SNRPN: variants seen among roughly 807,000 people sequenced by gnomAD.
SNRPN encodes small nuclear ribonucleoprotein polypeptide N.
A neutral mutation model predicts 25.2 loss-of-function variants in SNRPN; 7 were observed. The observed-to-expected ratio is 0.28, with a 90% confidence interval of 0.16 to 0.52. The LOEUF is 0.52. Among genes scored for constraint, SNRPN ranks in the 20% least tolerant of loss-of-function variants. The probability of loss-of-function intolerance (pLI) is 0.96; values close to 1 mark genes in which losing one functional copy is unlikely to be tolerated. For synonymous variants in SNRPN, 124 were observed against 110.6 expected, an observed-to-expected ratio of 1.12 and a Z score of -0.76; for missense variants, 196 against 322.5, an observed-to-expected ratio of 0.61 and a Z score of 3.00.
At chr15:24,826,639 A>G (rs943304237) in intron 1 of SNRPN, among the ~76,000 whole-genome samples, 5 of 152,132 alleles carry the variant, frequency 3.3e-5, no homozygotes, top group African/African-American at 1.2e-4. Context: ...ACTCATAAAG[A>G]AAAACCTATG....
chr15:24,955,538 G>T (rs1263214218), intron 1 of SNRPN, among the ~76,000 whole-genome samples: 1 of 150,676 alleles, frequency 6.6e-6, no homozygotes, highest in Non-Finnish European at 1.5e-5. Context: ...TATTTAGGGG[G>T]TGTTGAGCGC....
chr15:24,896,265 G>T (rs1179856189), intron 2 of SNRPN, among the ~76,000 whole-genome samples: 1 of 152,140 alleles, frequency 6.6e-6, no homozygotes, highest in Non-Finnish European at 1.5e-5. Flanking sequence ...CCCACAATTA[G>T]TCACTCTCAT....
At chr15:24,833,234 A>C (rs1386113677) in intron 2 of SNRPN, among the ~76,000 whole-genome samples, 2 of 151,620 alleles carry the variant, frequency 1.3e-5, no homozygotes, top group Non-Finnish European at 2.9e-5. Context: ...GCTTTTTGGA[A>C]GCTTATGTCC....
At chr15:24,969,099 G>C (rs1035966437) in intron 3 of SNRPN, among the ~76,000 whole-genome samples, 2 of 151,880 alleles carry the variant, frequency 1.3e-5, no homozygotes, top group African/African-American at 4.8e-5. Flanking sequence ...AATCAGTTAG[G>C]CTTGTTTATG....
intron 2 of SNRPN, among the ~76,000 whole-genome samples, chr15:24,837,126 A>G (rs957512749): frequency 3.3e-5 from 5 of 152,004 alleles, no homozygotes; most frequent in East Asian, 1.9e-4. Flanking sequence ...CACAACAAGC[A>G]TGAATAGAGA....
Position 24,859,199 on chromosome 15 carries a change from C to A in SNRPN, c.-579+2483C>A, listed in dbSNP as rs1341972918. Reference sequence around the variant, plus strand: ...TCTGGTGTGCTTTCATGGCGACTGGCCAAGGAGAAGCACCCCTCTGCGCAG... The same window carrying A: ...TCTGGTGTGCTTTCATGGCGACTGGACAAGGAGAAGCACCCCTCTGCGCAG... On this transcript the variant is annotated intron_variant, in intron 1 of 11. Transcript: ENST00000400097. Among the ~76,000 whole-genome samples, 3 of 152,272 alleles carry A rather than the reference C, an allele frequency of 2.0e-5. No individual in the cohort carries two copies. The East Asian group carries it at 5.8e-4, about 29-fold the overall frequency.
chr15:24,850,107 T>G (rs1262499537), intron 2 of SNRPN: 1 of 152,216 alleles, frequency 6.6e-6, no homozygotes, highest in African/African-American at 2.4e-5. Flanking sequence ...TCCACCTTTC[T>G]TGCTGACACC....
chr15:24,835,720 A>T (rs1455402930), intron 2 of SNRPN, among the ~76,000 whole-genome samples: 1 of 152,174 alleles, frequency 6.6e-6, no homozygotes, highest in Non-Finnish European at 1.5e-5. Context: ...ACAACTTTTT[A>T]AACGTACCAT....
At chr15:24,952,734 T>C (rs1326530668), upstream of SNRPN, among the ~76,000 whole-genome samples, 1 of 152,184 alleles carries the variant, frequency 6.6e-6, no homozygotes, top group Non-Finnish European at 1.5e-5. Flanking sequence ...TATAATTTTA[T>C]TTAATTTTAA....
intron 1 of SNRPN, among the ~76,000 whole-genome samples, 173 bp downstream of exon 1, chr15:24,955,235 G>A (rs1566948883): frequency 6.6e-6 from 1 of 152,128 alleles, no homozygotes; most frequent in Non-Finnish European, 1.5e-5. Flanking sequence ...CTGTTGTGCC[G>A]TTCTGCCCCG....
chr15:24,849,802 A>C (rs1183071365), intron 2 of SNRPN: 1 of 152,194 alleles, frequency 6.6e-6, no homozygotes, highest in Non-Finnish European at 1.5e-5. Context: ...GATTGATCTA[A>C]ATGCAAATAG....
At chr15:24,925,805 G>A (rs749669518) in intron 3 of SNRPN, among the ~76,000 whole-genome samples, 7 of 151,502 alleles carry the variant, frequency 4.6e-5, no homozygotes, top group African/African-American at 1.7e-4. Flanking sequence ...GCAGTGGCGC[G>A]ATCTCGGCTC....
In SNRPN at chr15:24,929,958, C is replaced by T. The variant is rs1415894837; in HGVS notation, c.-391+9834C>T. 2.0e-5 allele frequency among the ~76,000 whole-genome samples: 3 copies of T among 151,486 alleles called. No homozygotes were observed. The highest frequency in any genetic ancestry group is 6.6e-5 in the Admixed American group (1 of 15,194). On this transcript the variant is annotated intron_variant, in intron 3 of 11. Transcript: ENST00000400097. The surrounding 1 kb of genome is among the most constrained non-coding windows in gnomAD (Gnocchi z 5.3). ...ATCCCAGCACTTTGGGAGGCCAAGG[C>T]GGGTGGATCACGAGGTCAGGAGATC...
rs1375819936 is a variant in SNRPN, at chr15:24,977,766, C to T, written c.421-12C>T. The T allele has an allele frequency of 2.5e-6, 4 of 1,583,158 alleles. No individual in the cohort carries two copies. The Admixed American group carries it at 5.7e-5, about 23-fold the overall frequency. ...TGCATCGCTTTGACTGTTTCCCGCC[C>T]TGCCTTCTCAGGTAATGACTCCACA... On this transcript the variant is annotated splice_polypyrimidine_tract_variant and intron_variant, in intron 7 of 9. Transcript: ENST00000390687.
At chr15:24,871,279 G>A (rs1348953685) in intron 1 of SNRPN, among the ~76,000 whole-genome samples, 2 of 151,882 alleles carry the variant, frequency 1.3e-5, no homozygotes, top group African/African-American at 2.4e-5. Flanking sequence ...ATGATGTAGC[G>A]ACCATGCAGG....
intron 3 of SNRPN, among the ~76,000 whole-genome samples, chr15:24,941,659 G>A (rs1250271883): frequency 6.6e-6 from 1 of 152,170 alleles, no homozygotes; most frequent in African/African-American, 2.4e-5. Context: ...CAGAAGTCCA[G>A]TTTCTCCTTG....
intron 1 of SNRPN, among the ~76,000 whole-genome samples, chr15:24,882,237 TA>T (rs35564149): frequency 0.26 from 39,055 of 150,950 alleles, 5,213 homozygotes; most frequent in East Asian, 0.36. Context: ...ACAAAGCCTT[TA>T]AAAAAAAAAT....
intron 2 of SNRPN, among the ~76,000 whole-genome samples, chr15:24,916,655 C>A (rs1471171815): frequency 6.6e-6 from 1 of 152,160 alleles, no homozygotes; most frequent in Non-Finnish European, 1.5e-5. Flanking sequence ...ATAGGTAGAT[C>A]ATATAATGGT....
intron 2 of SNRPN, among the ~76,000 whole-genome samples, chr15:24,833,238 T>C (rs2050722317): frequency 1.3e-5 from 2 of 151,850 alleles, no homozygotes; most frequent in Non-Finnish European, 2.9e-5. Context: ...TTTGGAAGCT[T>C]ATGTCCATGT....
Sources: gnomAD v4.1 joint callset for allele counts (sites outside exome capture counted in the v4.1 genomes callset) on GRCh38, gnomAD v4.1.1 for gene constraint, Gnocchi (gnomAD v3.1) non-coding constraint, MANE v1.5 for transcripts, NCBI Gene and HGNC (gene_info 2026-07-23, HGNC 2026-07-21) for gene names.